The following CHD6 variants were observed in gnomAD, a reference collection of about 807,000 sequenced individuals.
CHD6 encodes chromodomain helicase DNA binding protein 6, also known as ATP-dependent chromatin remodeler CHD6.
In CHD6, 50 loss-of-function variants were observed where a neutral mutation model predicts 276.9. That is an observed-to-expected ratio of 0.18 (90% CI 0.14 to 0.23). The LOEUF (loss-of-function observed/expected upper bound fraction) is 0.23, where lower values mean the gene tolerates loss of function less well. CHD6 is among the 10% of genes least tolerant of loss of function. The pLI, the probability that CHD6 is intolerant of heterozygous loss-of-function variation, is 1.00. For synonymous variants in CHD6, 1,173 were observed against 1,229.3 expected, an observed-to-expected ratio of 0.95 and a Z score of 0.96; for missense variants, 2,564 against 3,365.8, an observed-to-expected ratio of 0.76 and a Z score of 5.89.
intron 1 of CHD6, among the ~76,000 whole-genome samples, chr20:41,559,178 A>G (rs985313370): frequency 1.3e-5 from 2 of 150,636 alleles, no homozygotes; most frequent in African/African-American, 4.9e-5. Context: ...ACACACACAC[A>G]AAGTAAACTT....
chr20:41,547,034 A>T (rs1237562085), intron 2 of CHD6, among the ~76,000 whole-genome samples: 1 of 152,234 alleles, frequency 6.6e-6, no homozygotes, highest in Non-Finnish European at 1.5e-5. Flanking sequence ...GAACAAAGAA[A>T]TGAGGAATAT....
intron 3 of CHD6, among the ~76,000 whole-genome samples, chr20:41,522,652 G>A (rs758783894): frequency 4.6e-5 from 7 of 151,694 alleles, no homozygotes; most frequent in Non-Finnish European, 2.9e-5. Flanking sequence ...GCGCGCACGC[G>A]TGCGCGCACA....
chr20:41,418,040 T>A (rs1278491129), intron 31 of CHD6, among the ~76,000 whole-genome samples: 1 of 152,242 alleles, frequency 6.6e-6, no homozygotes, highest in Non-Finnish European at 1.5e-5. Context: ...CTTTCTTGGT[T>A]AAATGACAAG....
intron 25 of CHD6, among the ~76,000 whole-genome samples, chr20:41,444,590 G>A (rs73611272): frequency 0.022 from 3,356 of 152,300 alleles, 46 homozygotes; most frequent in South Asian, 0.041. Flanking sequence ...TATAGGCATG[G>A]TTGTTACTTA....
chr20:41,560,277 T>C (rs6102466), intron 1 of CHD6, among the ~76,000 whole-genome samples: 56,940 of 151,994 alleles, frequency 0.37, 13,233 homozygotes, highest in African/African-American at 0.64. Flanking sequence ...ATAAGCGATC[T>C]GGCCTCTGGT....
chr20:41,528,663 A>T (rs983257810), intron 3 of CHD6, among the ~76,000 whole-genome samples: 2 of 152,186 alleles, frequency 1.3e-5, no homozygotes, highest in African/African-American at 4.8e-5. Flanking sequence ...TCTAAAAAAA[A>T]TAATAATAAT....
At chr20:41,527,497 G>A (rs937335704) in intron 3 of CHD6, among the ~76,000 whole-genome samples, 4 of 152,030 alleles carry the variant, frequency 2.6e-5, no homozygotes, top group Admixed American at 2.0e-4. Flanking sequence ...CTAAAGAGCT[G>A]GCTACAGACC....
intron 1 of CHD6, among the ~76,000 whole-genome samples, chr20:41,554,357 T>C (rs2045189335): frequency 6.6e-6 from 1 of 151,946 alleles, no homozygotes; most frequent in African/African-American, 2.4e-5. Context: ...CTACTTATAA[T>C]TGCTAATGGC....
intron 16 of CHD6, among the ~76,000 whole-genome samples, chr20:41,478,168 G>A (rs559145486): frequency 1.3e-5 from 2 of 152,214 alleles, no homozygotes; most frequent in Admixed American, 1.3e-4. Flanking sequence ...AAAGTGAAGT[G>A]CACAGTCAAC....
chr20:41,525,943 G>A (rs1222527391), intron 3 of CHD6, among the ~76,000 whole-genome samples: 1 of 152,072 alleles, frequency 6.6e-6, no homozygotes, highest in Non-Finnish European at 1.5e-5. Flanking sequence ...GTACCTCAAT[G>A]ACTAGTCTCA....
intron 5 of CHD6, among the ~76,000 whole-genome samples, chr20:41,499,736 C>A (rs939968055): frequency 6.6e-6 from 1 of 152,110 alleles, no homozygotes; most frequent in African/African-American, 2.4e-5. Context: ...TAATATCTAC[C>A]AGCTATTGAC....
chr20:41,579,437 C>CAAAAAAAAAAA (rs574347177), intron 1 of CHD6, among the ~76,000 whole-genome samples: 11,462 of 68,154 alleles, frequency 0.17, 1,650 homozygotes, highest in East Asian at 0.38. Context: ...GACTCTGTCT[C>CAAAAAAAAAAA]AAAAAAAAAA....
At chr20:41,507,220 G>C (rs547550185) in intron 5 of CHD6, among the ~76,000 whole-genome samples, 1 of 152,052 alleles carries the variant, frequency 6.6e-6, no homozygotes, top group Non-Finnish European at 1.5e-5. Flanking sequence ...TCTGATGATA[G>C]GATTTTGATT....
intron 27 of CHD6, among the ~76,000 whole-genome samples, chr20:41,431,866 C>CA (rs1189533354): frequency 1.4e-5 from 2 of 144,830 alleles, no homozygotes. Flanking sequence ...AAAAGGCCCT[C>CA]AAAAAAAACC....
In CHD6 at chr20:41,404,804, T is replaced by G; in HGVS notation, c.7937A>C (p.Glu2646Ala). ...LPAMQQARHS[E>A]IVGLESQKRK... ...CTTCTGGCTCTCCAGACCTACTATT[T>G]CCGAGTGTCTGGCCTGCTGCATGGC... The change falls in exon 37 of 37, where the codon GAA (glutamate) becomes GCA (alanine). Residue 2646 changes from glutamate to alanine, a missense_variant. This residue lies in a region of CHD6 where 238 missense variants were observed against 266.0 expected (regional missense o/e 0.89). Transcript: ENST00000373233. 6.2e-7 allele frequency: 1 copy of G among 1,613,436 alleles called. No homozygotes were observed.
chr20:41,497,202 T>G (rs2043708971), intron 8 of CHD6, 182 bp downstream of exon 8: 4 of 575,594 alleles, frequency 6.9e-6, no homozygotes, highest in South Asian at 4.0e-5. Context: ...ATCCTTAACT[T>G]TGGTGGATAG....
At chr20:41,453,001 G>T in intron 20 of CHD6, 59 bp from the exon 21 acceptor site, 1 of 1,343,000 alleles carries the variant, frequency 7.4e-7, no homozygotes. Context: ...CTTTCACAAA[G>T]CATAAGTGTA....
In CHD6 at chr20:41,489,793, C is replaced by T. The variant is rs760249283; in HGVS notation, c.1665G>A (p.Val555=). The T allele has an allele frequency of 6.2e-6, 10 of 1,613,984 alleles. No homozygotes were observed. The East Asian group carries it at 1.8e-4, about 29-fold the overall frequency. ...TGAGGCTCACCTGGGCGTCTCTGTACACCATTTCATACTGCTGGATCATCT... is the reference window on the plus strand; with the variant it reads ...TGAGGCTCACCTGGGCGTCTCTGTATACCATTTCATACTGCTGGATCATCT... ...SRQMIQQYEM[V]YRDAQGNPLS... Residue 555 remains valine (V), a synonymous_variant, in exon 12 of 37, where the codon GTG becomes GTA. Transcript: ENST00000373233.
intron 1 of CHD6, among the ~76,000 whole-genome samples, chr20:41,588,834 A>G (rs2045624375): frequency 1.3e-5 from 2 of 152,218 alleles, no homozygotes; most frequent in African/African-American, 4.8e-5. Flanking sequence ...GATATGGTCT[A>G]AAATTATTTT....
Sources: gnomAD v4.1 joint callset for allele counts (sites outside exome capture counted in the v4.1 genomes callset) on GRCh38, gnomAD v4.1.1 for gene constraint, gnomAD v4.1.1 regional missense constraint, MANE v1.5 for transcripts, NCBI Gene and HGNC (gene_info 2026-07-23, HGNC 2026-07-21) for gene names.